The following INPP5F variants were observed in gnomAD, a reference collection of about 807,000 sequenced individuals.
The protein encoded by INPP5F is phosphatidylinositide 4-phosphatase SAC2.
A neutral mutation model predicts 137.2 loss-of-function variants in INPP5F; 97 were observed. The ratio of observed to expected loss-of-function variants is 0.71; its 90% CI spans 0.60 to 0.84. INPP5F has a LOEUF of 0.84. INPP5F is among the 40% of genes least tolerant of loss of function. The probability of loss-of-function intolerance (pLI) is 0.00; values close to 1 mark genes in which losing one functional copy is unlikely to be tolerated. For synonymous variants in INPP5F, 504 were observed against 476.9 expected, an observed-to-expected ratio of 1.06 and a Z score of -0.74; for missense variants, 1,271 against 1,371.9, an observed-to-expected ratio of 0.93 and a Z score of 1.16.
Position 119,748,822 on chromosome 10 carries a change from C to T in INPP5F, c.98-2254C>T, listed in dbSNP as rs1351631605. Among the ~76,000 whole-genome samples the T allele has an allele frequency of 6.6e-6, 1 of 152,204 alleles. No homozygotes were observed. Among genetic ancestry groups the T allele is most frequent in the Non-Finnish European group, 1.5e-5 (1 of 68,032 alleles). On this transcript the variant is annotated intron_variant, in intron 1 of 19. Coordinates refer to ENST00000650623, the MANE Select transcript of INPP5F (RefSeq NM_014937.4). This position sits in a 1 kb window ranked among gnomAD's most constrained non-coding sequence, Gnocchi z 4.7. ...CGGAACCTGCAGCTCAGACCCCAGG[C>T]TTCAGGTTGTCCCTGGCTTGAAGGT...
chr10:119,785,567 A>AGG (rs1384559789), intron 3 of INPP5F, among the ~76,000 whole-genome samples: 2 of 150,750 alleles, frequency 1.3e-5, no homozygotes, highest in African/African-American at 2.5e-5. Context: ...AGAGAGAGAG[A>AGG]GAGAGAGAGA....
At position 119,824,340 on chromosome 10, in the gene INPP5F, C is replaced by T. The variant is rs181955856; in HGVS notation, c.2249+438C>T. On this transcript the variant is annotated intron_variant, in intron 19 of 19. Coordinates refer to ENST00000650623, the MANE Select transcript of INPP5F (RefSeq NM_014937.4). ...TTGTCTCTGTAGTTTAATGTTATTT[C>T]CTCAATCTTGTCTTTTCTTTCATAA... Among the ~76,000 whole-genome samples, 6 of 152,264 alleles carry T rather than the reference C, an allele frequency of 3.9e-5. No individual in the cohort carries two copies. In the East Asian group the frequency reaches 9.6e-4, roughly 24 times the overall value.
At chr10:119,732,345 A>G (rs1011216096) in intron 1 of INPP5F, among the ~76,000 whole-genome samples, 3 of 151,608 alleles carry the variant, frequency 2.0e-5, no homozygotes, top group Admixed American at 6.6e-5. Context: ...TAGGAGTACA[A>G]AGTCTTTCTA....
At chr10:119,755,702 C>T (rs2134132077) in intron 2 of INPP5F, among the ~76,000 whole-genome samples, 1 of 152,292 alleles carries the variant, frequency 6.6e-6, no homozygotes, top group South Asian at 2.1e-4. Flanking sequence ...TGGCTAGGAA[C>T]CCACTCCAGA....
chr10:119,757,018 G>A (rs184447895), intron 2 of INPP5F, among the ~76,000 whole-genome samples: 2 of 152,182 alleles, frequency 1.3e-5, no homozygotes, highest in African/African-American at 4.8e-5. Context: ...TCTGTCTTCC[G>A]ACAACTCAAA....
At chr10:119,798,676 C>T (rs1850475607) in intron 9 of INPP5F, 66 bp downstream of exon 9, 2 of 1,103,178 alleles carry the variant, frequency 1.8e-6, no homozygotes, top group Non-Finnish European at 2.7e-6. Flanking sequence ...CTTTAAGTTT[C>T]ATAAAAATAA....
chr10:119,822,274 AAC>A (rs1564855309), intron 16 of INPP5F, among the ~76,000 whole-genome samples, 155 bp from the exon 17 acceptor site: 5 of 152,230 alleles, frequency 3.3e-5, no homozygotes, highest in African/African-American at 1.2e-4. Flanking sequence ...TTTAATTTTT[AAC>A]AGAGTTCTTA....
chr10:119,822,975 A>T, intron 17 of INPP5F, 96 bp from the exon 18 acceptor site: 3 of 1,238,734 alleles, frequency 2.4e-6, no homozygotes, highest in Non-Finnish European at 3.4e-6. Context: ...GCTGTCATTT[A>T]TATTATGAAG....
At chr10:119,757,134 GCACAATCTTGGCTTACTGCAA>G (rs1252254287) in intron 2 of INPP5F, among the ~76,000 whole-genome samples, 2 of 152,140 alleles carry the variant, frequency 1.3e-5, no homozygotes, top group Non-Finnish European at 2.9e-5. Context: ...GAGTGCAGTG[GCACAATCTTGGCTTACTGCAA>G]CCTCAGCCTC....
chr10:119,805,544 G>A, intron 11 of INPP5F, 83 bp downstream of exon 11: 2 of 920,764 alleles, frequency 2.2e-6, no homozygotes, highest in South Asian at 1.4e-5. Flanking sequence ...ATAGCAGCAT[G>A]CAGAGACAGC....
chr10:119,749,957 A>G (rs1589675587), intron 1 of INPP5F, among the ~76,000 whole-genome samples: 1 of 151,986 alleles, frequency 6.6e-6, no homozygotes, highest in Non-Finnish European at 1.5e-5. Context: ...TTTTGTAGAG[A>G]TGAGGTTTCA....
intron 16 of INPP5F, among the ~76,000 whole-genome samples, chr10:119,822,044 C>T (rs528636109): frequency 6.6e-6 from 1 of 151,952 alleles, no homozygotes; most frequent in African/African-American, 2.4e-5. Flanking sequence ...GCGCCTGCCA[C>T]GACGCCCAGC....
At position 119,726,217 on chromosome 10, in the gene INPP5F, G is replaced by T. The variant is rs1349878580; in HGVS notation, c.-46G>T. 2.3e-6 allele frequency: 3 copies of T among 1,315,092 alleles called. No individual in the cohort carries two copies. The highest frequency in any genetic ancestry group is 3.2e-5 in the Admixed American group (1 of 31,186). The allele number at this position is 1,315,092 out of a possible 1,614,324, so 81.5% of individuals were successfully genotyped here. On this transcript the variant is annotated 5_prime_UTR_variant, in exon 1 of 20. Transcript: ENST00000650623. ...CGGCCTCGACCGACTAGGACGCCCC[G>T]TGCGCCGCCCGCGGGCCGCCGCCTC...
At chr10:119,774,090 C>T (rs760977581) in intron 2 of INPP5F, among the ~76,000 whole-genome samples, 19 of 151,734 alleles carry the variant, frequency 1.3e-4, no homozygotes, top group Non-Finnish European at 2.5e-4. Context: ...GGTGAAACCC[C>T]GTCTCTACTA....
At chr10:119,817,339 C>G (rs1351770223) in intron 15 of INPP5F, among the ~76,000 whole-genome samples, 1 of 152,126 alleles carries the variant, frequency 6.6e-6, no homozygotes, top group Admixed American at 6.5e-5. Context: ...TTAAATAGTT[C>G]TTTTGGGTGG....
intron 2 of INPP5F, among the ~76,000 whole-genome samples, chr10:119,756,917 T>C (rs1028541798): frequency 1.4e-5 from 2 of 138,574 alleles, no homozygotes; most frequent in Non-Finnish European, 3.1e-5. Context: ...CTAGAAAATA[T>C]CTATTTAGAA....
At chr10:119,797,703 T>A in intron 8 of INPP5F, 63 bp downstream of exon 8, 1 of 1,283,116 alleles carries the variant, frequency 7.8e-7, no homozygotes, top group Non-Finnish European at 1.0e-6. Flanking sequence ...TTTAAGAAAT[T>A]AGTTACCTGT....
intron 16 of INPP5F, among the ~76,000 whole-genome samples, chr10:119,821,845 T>G (rs1362960906): frequency 1.3e-5 from 2 of 150,642 alleles, no homozygotes; most frequent in African/African-American, 4.9e-5. Context: ...AAACTTAAAA[T>G]ATTTTAACCT....
intron 1 of INPP5F, among the ~76,000 whole-genome samples, chr10:119,730,690 C>T (rs867341825): frequency 1.3e-5 from 2 of 152,010 alleles, no homozygotes; most frequent in Non-Finnish European, 1.5e-5. Context: ...TGAGACTGAG[C>T]GACCAAGAAG....
Sources: gnomAD v4.1 joint callset for allele counts (sites outside exome capture counted in the v4.1 genomes callset) on GRCh38, gnomAD v4.1.1 for gene constraint, Gnocchi (gnomAD v3.1) non-coding constraint, MANE v1.5 for transcripts, NCBI Gene and HGNC (gene_info 2026-07-23, HGNC 2026-07-21) for gene names.